PTPRM: variants seen among roughly 807,000 people sequenced by gnomAD.
PTPRM encodes the protein protein tyrosine phosphatase receptor type M.
In PTPRM, 47 loss-of-function variants were observed where a neutral mutation model predicts 186.7. That is an observed-to-expected ratio of 0.25 (90% CI 0.20 to 0.32). PTPRM has a LOEUF of 0.32. Ranked by LOEUF, PTPRM falls within the 10% of genes least tolerant of loss-of-function variation. The pLI is 1.00. For synonymous variants in PTPRM, 668 were observed against 674.9 expected (o/e 0.99, Z 0.16); for missense variants, 1,494 against 1,865.0 (o/e 0.80, Z 3.66).
At chr18:7,947,362 T>G (rs539399080) in intron 5 of PTPRM, among the ~76,000 whole-genome samples, 14 of 152,262 alleles carry the variant, frequency 9.2e-5, no homozygotes, top group Middle Eastern at 3.4e-3. Flanking sequence ...ACTATAGGTT[T>G]GGCATACTGG....
chr18:7,749,811 A>C (rs2041125795), intron 1 of PTPRM, among the ~76,000 whole-genome samples: 1 of 152,226 alleles, frequency 6.6e-6, no homozygotes, highest in African/African-American at 2.4e-5. Flanking sequence ...ATCTTTGCAG[A>C]AATCTCTGGA....
chr18:7,619,608 G>T (rs766881508), intron 1 of PTPRM, among the ~76,000 whole-genome samples: 15 of 152,180 alleles, frequency 9.9e-5, no homozygotes, highest in Admixed American at 5.9e-4. Flanking sequence ...CAGGGGAGAA[G>T]TAGTCACAGT....
Position 8,247,886 on chromosome 18 carries a change from C to A in PTPRM, c.2494C>A (p.Leu832Met). The change falls in exon 16 of 33, where the codon CTG becomes ATG. Residue 832 changes from leucine to methionine, a missense_variant. Physicochemically the swap from Leu to Met is conservative, Grantham distance 15. Transcript: ENST00000580170. Reference protein sequence around the residue: ...PSSFTMKTNTLSTSVPNSYYP... With the variant: ...PSSFTMKTNTMSTSVPNSYYP... ...GTCCTTCACAATGAAAACAAATACA[C>A]TGAGCACATCGGTGCCTAATTCCTA... is the stretch of plus-strand genomic sequence containing the variant. 6.2e-7 allele frequency: 1 copy of A among 1,605,988 alleles called. No homozygotes were observed. Among genetic ancestry groups the A allele is most frequent in the Middle Eastern group, 1.7e-4 (1 of 6,058 alleles).
chr18:7,922,079 G>C (rs1280529203), intron 4 of PTPRM, among the ~76,000 whole-genome samples: 1 of 152,008 alleles, frequency 6.6e-6, no homozygotes, highest in South Asian at 2.1e-4. Context: ...TCCTCTGCTA[G>C]GTTACTGCCT....
intron 19 of PTPRM, among the ~76,000 whole-genome samples, chr18:8,284,540 T>C (rs897522672): frequency 2.4e-4 from 36 of 152,192 alleles, no homozygotes; most frequent in African/African-American, 8.7e-4. Flanking sequence ...ATGCCCTCCA[T>C]GTAAAATGTC....
At chr18:7,669,848 G>A (rs780099180) in intron 1 of PTPRM, among the ~76,000 whole-genome samples, 8 of 152,022 alleles carry the variant, frequency 5.3e-5, no homozygotes, top group Admixed American at 2.6e-4. Flanking sequence ...TTAGCTTCCC[G>A]AATAGCTGGG....
At chr18:8,282,426 G>C (rs1019004234) in intron 19 of PTPRM, among the ~76,000 whole-genome samples, 12 of 152,184 alleles carry the variant, frequency 7.9e-5, no homozygotes, top group Non-Finnish European at 2.9e-5. Context: ...ACTTTGGAAG[G>C]CTGAGGTGGG....
chr18:8,253,367 A>G lies in PTPRM; in HGVS notation c.2707A>G (p.Thr903Ala), dbSNP rs373302758. Residue 903 changes from threonine to alanine, a missense_variant, in exon 19 of 33, where the codon ACA (threonine) becomes GCA (alanine). Transcript: ENST00000580170. ...GGTGGCAGACCTCCTTCAGCACATCACACAGATGAAGTGTGCGGAGGGCTA... is the reference window on the plus strand; with the variant it reads ...GGTGGCAGACCTCCTTCAGCACATCGCACAGATGAAGTGTGCGGAGGGCTA... Reference protein sequence around the residue: ...IRVADLLQHITQMKCAEGYGF... With the variant: ...IRVADLLQHIAQMKCAEGYGF... 4 of 1,591,304 alleles carry G rather than the reference A, an allele frequency of 2.5e-6. No homozygotes were observed. The highest frequency in any genetic ancestry group is 3.4e-6 in the Non-Finnish European group (4 of 1,169,074).
intron 1 of PTPRM, among the ~76,000 whole-genome samples, chr18:7,713,667 T>C (rs2040259374): frequency 8.1e-6 from 1 of 122,808 alleles, no homozygotes; most frequent in Admixed American, 8.5e-5. Context: ...AATAAAGGGA[T>C]AGAGGAATAT....
chr18:7,617,976 G>T (rs2037847530), intron 1 of PTPRM, among the ~76,000 whole-genome samples: 2 of 152,216 alleles, frequency 1.3e-5, no homozygotes, highest in African/African-American at 4.8e-5. Context: ...ATGAGGAGCG[G>T]CAGAGACTGG....
intron 11 of PTPRM, among the ~76,000 whole-genome samples, chr18:8,111,053 G>C (rs1477864561): frequency 6.6e-6 from 1 of 152,148 alleles, no homozygotes; most frequent in African/African-American, 2.4e-5. Context: ...CACTTCTGTA[G>C]AATACCCTGG....
intron 2 of PTPRM, among the ~76,000 whole-genome samples, chr18:7,829,879 T>C (rs1726821795): frequency 1.3e-5 from 2 of 152,152 alleles, no homozygotes; most frequent in African/African-American, 4.8e-5. Context: ...TTCCCCCCTT[T>C]TTTGTGTGTG....
chr18:8,088,725 C>T (rs753613245), intron 10 of PTPRM, 24 bp from the exon 11 acceptor site: 6 of 1,536,112 alleles, frequency 3.9e-6, no homozygotes, highest in Non-Finnish European at 5.4e-6. Context: ...TAATGAGTCT[C>T]CCATTCTACG....
chr18:8,396,321 T>G lies in PTPRM; in HGVS notation c.4344+1710T>G, dbSNP rs574976837. 3.9e-5 allele frequency among the ~76,000 whole-genome samples: 6 copies of G among 152,362 alleles called. No homozygotes were observed. In the South Asian group the frequency reaches 1.2e-3, roughly 32 times the overall value. On this transcript the variant is annotated intron_variant, in intron 32 of 32. Coordinates refer to ENST00000580170, the MANE Select transcript of PTPRM (RefSeq NM_001105244.2). ...AACCTCACTAATTCAGGGACAGGTA[T>G]GTAGCCTCGAGACTCTGGTTGGTAC...
chr18:8,284,913 C>T (rs1324810570), intron 19 of PTPRM, among the ~76,000 whole-genome samples: 1 of 152,154 alleles, frequency 6.6e-6, no homozygotes, highest in Non-Finnish European at 1.5e-5. Context: ...TTTGAATGCA[C>T]TCAGGATGCA....
intron 20 of PTPRM, 108 bp from the exon 21 acceptor site, chr18:8,314,673 A>G (rs1392216369): frequency 3.1e-6 from 2 of 648,750 alleles, no homozygotes; most frequent in Non-Finnish European, 5.4e-6. Context: ...TCTTTAAAGC[A>G]GAGTGTCTGT....
intron 2 of PTPRM, among the ~76,000 whole-genome samples, chr18:7,788,367 G>A (rs1027361916): frequency 6.6e-6 from 1 of 152,142 alleles, no homozygotes; most frequent in Non-Finnish European, 1.5e-5. Context: ...TGAAGGTTGA[G>A]ATTATGAAAT....
chr18:8,077,735 A>G (rs2089905352), intron 9 of PTPRM, among the ~76,000 whole-genome samples: 2 of 152,288 alleles, frequency 1.3e-5, no homozygotes, highest in African/African-American at 4.8e-5. Flanking sequence ...AGGATTTTAA[A>G]CTAGGAAACA....
At chr18:7,799,610 A>C (rs900442327) in intron 2 of PTPRM, among the ~76,000 whole-genome samples, 6 of 152,162 alleles carry the variant, frequency 3.9e-5, no homozygotes, top group African/African-American at 1.4e-4. Flanking sequence ...CTTTTAAAGA[A>C]TATATATAAT....
Sources: allele counts gnomAD v4.1 joint callset (sites outside exome capture counted in the v4.1 genomes callset), GRCh38; gene constraint gnomAD v4.1.1; transcripts MANE v1.5; gene names NCBI Gene and HGNC (gene_info 2026-07-23, HGNC 2026-07-21).